NRXN3: variants seen among roughly 807,000 people sequenced by gnomAD.
The protein encoded by NRXN3 is neurexin 3, also known as neurexin III.
Under a neutral mutation model 137.6 loss-of-function variants are expected in NRXN3, and 32 were observed. The ratio of observed to expected loss-of-function variants is 0.23; its 90% CI spans 0.18 to 0.31. The LOEUF is 0.31. Among genes scored for constraint, NRXN3 ranks in the 10% least tolerant of loss-of-function variants. The probability of loss-of-function intolerance (pLI) is 1.00; values close to 1 mark genes in which losing one functional copy is unlikely to be tolerated. For synonymous variants in NRXN3, 798 were observed against 784.5 expected (o/e 1.02, Z -0.29); for missense variants, 1,574 against 2,062.5 (o/e 0.76, Z 4.59).
chr14:78,290,727 GCCC>G (rs1300163209), intron 3 of NRXN3, among the ~76,000 whole-genome samples: 1 of 152,110 alleles, frequency 6.6e-6, no homozygotes, highest in East Asian at 1.9e-4. Context: ...TGTCTCCTGT[GCCC>G]TGCCTCCTGC....
rs151214136 is a variant in NRXN3, at chr14:79,659,138, T to A, written c.3445-4640T>A. 8.5e-5 allele frequency among the ~76,000 whole-genome samples: 13 copies of A among 152,176 alleles called. No homozygotes were observed. In the East Asian group the frequency reaches 2.3e-3, roughly 27 times the overall value. ...AGGTGGGCTTATAAACAGTCATTAT[T>A]GATGAAGAGTGACTTACTGGCTATT... On this transcript the variant is annotated intron_variant, in intron 16 of 20. Coordinates refer to ENST00000335750, the MANE Select transcript of NRXN3 (RefSeq NM_001330195.2).
Position 78,825,910 on chromosome 14 carries a change from G to A in NRXN3, c.2275+15566G>A, listed in dbSNP as rs531916270. Among the ~76,000 whole-genome samples the A allele has an allele frequency of 3.3e-5, 5 of 152,308 alleles. No homozygotes were observed. In the East Asian group the frequency reaches 9.7e-4, roughly 29 times the overall value. On this transcript the variant is annotated intron_variant, in intron 10 of 20. Transcript: ENST00000335750. The stretch of plus-strand genomic sequence containing the variant: ...GATCCTCCTCTACCAAAGTCACAGG[G>A]ATTGACTATTCAGTTGAACCCCAGA...
chr14:79,284,343 C>CATATATATATATATATATATAT (rs60596302), intron 15 of NRXN3, among the ~76,000 whole-genome samples: 2 of 65,100 alleles, frequency 3.1e-5, no homozygotes, highest in African/African-American at 5.2e-5. Context: ...ACTAAAAATA[C>CATATATATATATATATATATAT]ATATATATAT....
chr14:79,133,188 T>G (rs2127449), intron 15 of NRXN3, among the ~76,000 whole-genome samples: 2,774 of 152,310 alleles, frequency 0.018, 80 homozygotes, highest in African/African-American at 0.064. Context: ...GATTATTGTC[T>G]TTTTCAGTTT....
intron 19 of NRXN3, among the ~76,000 whole-genome samples, chr14:79,718,044 G>A (rs1479183372): frequency 2.0e-5 from 3 of 152,112 alleles, no homozygotes; most frequent in Non-Finnish European, 2.9e-5. Flanking sequence ...AGAGACTACC[G>A]ATAAATAAAT....
chr14:78,190,370 G>T (rs887753599), intron 1 of NRXN3, among the ~76,000 whole-genome samples: 1 of 152,138 alleles, frequency 6.6e-6, no homozygotes, highest in Admixed American at 6.5e-5. Context: ...GAAATTCATA[G>T]AAAAGAAAAT....
intron 19 of NRXN3, among the ~76,000 whole-genome samples, chr14:79,759,253 G>A (rs2099030266): frequency 6.6e-6 from 1 of 151,720 alleles, no homozygotes; most frequent in South Asian, 2.1e-4. Flanking sequence ...AGTGGCTAAG[G>A]CTTAAGAAGA....
chr14:79,357,254 CA>C (rs2093457706), intron 15 of NRXN3, among the ~76,000 whole-genome samples: 1 of 152,084 alleles, frequency 6.6e-6, no homozygotes, highest in African/African-American at 2.4e-5. Flanking sequence ...TTCTGTGTAA[CA>C]AATGACCAAG....
intron 14 of NRXN3, among the ~76,000 whole-genome samples, chr14:78,982,570 A>T (rs2099492109): frequency 6.6e-6 from 1 of 151,940 alleles, no homozygotes; most frequent in African/African-American, 2.4e-5. Context: ...TCAATAAATG[A>T]TATTGGACAA....
chr14:79,262,042 C>G (rs1370079863), intron 15 of NRXN3, among the ~76,000 whole-genome samples: 1 of 151,948 alleles, frequency 6.6e-6, no homozygotes, highest in East Asian at 1.9e-4. Flanking sequence ...AAGGGAAACA[C>G]AGGGGAAGGA....
At chr14:79,410,786 C>T (rs181076526) in intron 15 of NRXN3, among the ~76,000 whole-genome samples, 1 of 152,186 alleles carries the variant, frequency 6.6e-6, no homozygotes, top group African/African-American at 2.4e-5. Flanking sequence ...ATTTATCAAT[C>T]CTTTGTTGAG....
At chr14:78,196,619 T>C (rs997582609) in intron 1 of NRXN3, among the ~76,000 whole-genome samples, 2 of 152,210 alleles carry the variant, frequency 1.3e-5, no homozygotes, top group Non-Finnish European at 2.9e-5. Context: ...TGAGCTTCTC[T>C]GCAGGGAAGG....
At chr14:78,785,672 C>A (rs989028847) in intron 8 of NRXN3, among the ~76,000 whole-genome samples, 5 of 152,164 alleles carry the variant, frequency 3.3e-5, no homozygotes, top group African/African-American at 1.2e-4. Flanking sequence ...TAGTAGCCTG[C>A]GTATGATGCA....
At chr14:78,313,114 C>T (rs2078166979) in intron 4 of NRXN3, among the ~76,000 whole-genome samples, 1 of 152,154 alleles carries the variant, frequency 6.6e-6, no homozygotes. Flanking sequence ...AGAGTAATGA[C>T]TTTTGTCAAC....
intron 19 of NRXN3, among the ~76,000 whole-genome samples, chr14:79,750,659 G>A (rs946115131): frequency 6.6e-6 from 1 of 152,060 alleles, no homozygotes; most frequent in African/African-American, 2.4e-5. Flanking sequence ...CACCCAATCA[G>A]GGCAGGTTAT....
chr14:79,465,883 C>T (rs546160853), intron 15 of NRXN3, among the ~76,000 whole-genome samples: 1 of 152,334 alleles, frequency 6.6e-6, no homozygotes, highest in African/African-American at 2.4e-5. Flanking sequence ...CCTAAAACCA[C>T]AGAGGCAACA....
intron 15 of NRXN3, among the ~76,000 whole-genome samples, chr14:79,136,227 A>T (rs967723104): frequency 5.9e-5 from 9 of 152,292 alleles, no homozygotes; most frequent in Non-Finnish European, 1.0e-4. Context: ...GGCGTAATTT[A>T]TTCCACAGTC....
At chr14:78,254,619 A>C (rs962324236) in intron 2 of NRXN3, among the ~76,000 whole-genome samples, 1 of 151,274 alleles carries the variant, frequency 6.6e-6, no homozygotes, top group Non-Finnish European at 1.5e-5. Context: ...TGGAGGTTGC[A>C]GTGAGCCGAG....
At chr14:78,470,474 C>T (rs572634005) in intron 4 of NRXN3, among the ~76,000 whole-genome samples, 1 of 152,008 alleles carries the variant, frequency 6.6e-6, no homozygotes, top group Non-Finnish European at 1.5e-5. Flanking sequence ...TAATCCTCGT[C>T]AGTAATCAAG....
Sources: allele counts gnomAD v4.1 joint callset (sites outside exome capture counted in the v4.1 genomes callset), GRCh38; gene constraint gnomAD v4.1.1; transcripts MANE v1.5; gene names NCBI Gene and HGNC (gene_info 2026-07-23, HGNC 2026-07-21).